Variants in CTNNA2 observed in about 807,000 individuals in gnomAD.
The protein encoded by CTNNA2 is catenin alpha 2.
CTNNA2 carries 42 observed loss-of-function variants against 101.0 expected under a neutral mutation model. The ratio of observed to expected loss-of-function variants is 0.42; its 90% CI spans 0.32 to 0.54. The LOEUF (loss-of-function observed/expected upper bound fraction) is 0.54, where lower values mean the gene tolerates loss of function less well. Ranked by LOEUF, CTNNA2 falls within the 20% of genes least tolerant of loss-of-function variation. The pLI is 0.14. For missense variants in CTNNA2, 871 were observed against 1,223.1 expected (o/e 0.71, Z 4.29); for synonymous variants, 450 against 456.4 (o/e 0.99, Z 0.18).
intron 18 of CTNNA2, among the ~76,000 whole-genome samples, chr2:80,645,989 G>A (rs78639667): frequency 0.017 from 2,552 of 152,124 alleles, 26 homozygotes; most frequent in Non-Finnish European, 0.023. Flanking sequence ...AAAACACAGC[G>A]CAACATTAAT....
chr2:79,580,001 T>C (rs974702775), intron 1 of CTNNA2, among the ~76,000 whole-genome samples: 12 of 152,154 alleles, frequency 7.9e-5, no homozygotes, highest in African/African-American at 2.7e-4. Flanking sequence ...TGGCAAATGC[T>C]CTTCTCTTGG....
At chr2:79,369,475 C>A (rs1011759376) in intron 3 of CTNNA2, among the ~76,000 whole-genome samples, 1 of 152,230 alleles carries the variant, frequency 6.6e-6, no homozygotes, top group East Asian at 1.9e-4. Flanking sequence ...CACATGCACA[C>A]GACTGTAGCG....
chr2:80,428,018 G>C (rs1378482742), intron 9 of CTNNA2, among the ~76,000 whole-genome samples: 1 of 152,202 alleles, frequency 6.6e-6, no homozygotes, highest in East Asian at 1.9e-4. Flanking sequence ...TGAAGGAGGA[G>C]GGCATGTGAG....
intron 7 of CTNNA2, among the ~76,000 whole-genome samples, chr2:80,005,455 G>A (rs1693268509): frequency 6.6e-6 from 1 of 152,010 alleles, no homozygotes; most frequent in Non-Finnish European, 1.5e-5. Flanking sequence ...CAACTTAAGG[G>A]GAAAAAAACT....
At chr2:79,357,169 GA>G (rs1677526444) in intron 3 of CTNNA2, among the ~76,000 whole-genome samples, 1 of 151,944 alleles carries the variant, frequency 6.6e-6, no homozygotes, top group South Asian at 2.1e-4. Context: ...TGTATACAAA[GA>G]AAAAAATTAG....
At chr2:79,334,597 G>GAAA (rs1003571924) in intron 3 of CTNNA2, among the ~76,000 whole-genome samples, 2 of 151,636 alleles carry the variant, frequency 1.3e-5, no homozygotes, top group Non-Finnish European at 2.9e-5. Flanking sequence ...AAGTAATGAA[G>GAAA]GAAGAAAGAG....
intron 4 of CTNNA2, among the ~76,000 whole-genome samples, chr2:79,491,419 AG>A (rs1671206670): frequency 6.6e-6 from 1 of 152,200 alleles, no homozygotes; most frequent in Non-Finnish European, 1.5e-5. Context: ...TCAAACACCA[AG>A]GAGATTTAGA....
intron 7 of CTNNA2, among the ~76,000 whole-genome samples, chr2:80,290,196 C>T (rs565060559): frequency 1.3e-5 from 2 of 152,270 alleles, no homozygotes; most frequent in South Asian, 4.1e-4. Context: ...CAGCAAATGG[C>T]AGAAGCTCTG....
chr2:79,946,396 C>T (rs999979031), intron 7 of CTNNA2, among the ~76,000 whole-genome samples: 1 of 152,172 alleles, frequency 6.6e-6, no homozygotes, highest in Admixed American at 6.5e-5. Flanking sequence ...GTTAATTACA[C>T]TGAGAACTGA....
At chr2:80,603,770 C>T (rs560960983) in intron 15 of CTNNA2, 30 of 298,922 alleles carry the variant, frequency 1.0e-4, no homozygotes, top group African/African-American at 4.2e-4. Context: ...TTTTGGTACA[C>T]GGTAAGCAAC....
chr2:79,388,272 G>A (rs1342750635), intron 4 of CTNNA2, among the ~76,000 whole-genome samples: 1 of 152,144 alleles, frequency 6.6e-6, no homozygotes, highest in African/African-American at 2.4e-5. Context: ...TGATGGAGTA[G>A]GTCACTGTTC....
At chr2:79,199,057 A>G (rs1201741578) in intron 2 of CTNNA2, among the ~76,000 whole-genome samples, 4 of 152,246 alleles carry the variant, frequency 2.6e-5, no homozygotes, top group Non-Finnish European at 4.4e-5. Context: ...ATGCCTGTCT[A>G]TAGATGAGAA....
At chr2:79,751,506 G>C (rs2105030915) in intron 3 of CTNNA2, among the ~76,000 whole-genome samples, 1 of 142,444 alleles carries the variant, frequency 7.0e-6, no homozygotes, top group Non-Finnish European at 1.5e-5. Context: ...TGAGGCAGTA[G>C]AATCACTTGA....
chr2:80,487,667 G>C (rs1364087041), intron 9 of CTNNA2, among the ~76,000 whole-genome samples: 1 of 152,120 alleles, frequency 6.6e-6, no homozygotes, highest in East Asian at 1.9e-4. Flanking sequence ...ACAGTTCAAG[G>C]TGAGATTTCA....
At chr2:79,898,988 T>C (rs1558623876) in intron 6 of CTNNA2, among the ~76,000 whole-genome samples, 1 of 152,058 alleles carries the variant, frequency 6.6e-6, no homozygotes, top group East Asian at 1.9e-4. Context: ...ACTGGGCAAG[T>C]GAAGGGAAGG....
intron 7 of CTNNA2, among the ~76,000 whole-genome samples, chr2:80,273,153 A>T (rs1235441149): frequency 6.6e-6 from 1 of 152,132 alleles, no homozygotes; most frequent in East Asian, 1.9e-4. Flanking sequence ...ATTTTATTTT[A>T]TTATTTTTAA....
chr2:79,192,431 A>G (rs1673886768), intron 1 of CTNNA2, among the ~76,000 whole-genome samples: 1 of 152,200 alleles, frequency 6.6e-6, no homozygotes. Flanking sequence ...CAGTTAAACT[A>G]CATCAGGCCA....
chr2:79,367,326 T>G (rs1373787181), intron 3 of CTNNA2, among the ~76,000 whole-genome samples: 1 of 152,170 alleles, frequency 6.6e-6, no homozygotes, highest in Non-Finnish European at 1.5e-5. Context: ...AATATTTTGT[T>G]ATAGTAGTCC....
chr2:80,305,222 G>A, intron 7 of CTNNA2: 1 of 985,330 alleles, frequency 1.0e-6, no homozygotes, highest in Non-Finnish European at 1.2e-6. Flanking sequence ...TCTGCAGTCA[G>A]CCAGCCCTTT....
Sources: gnomAD v4.1 joint callset for allele counts (sites outside exome capture counted in the v4.1 genomes callset) on GRCh38, gnomAD v4.1.1 for gene constraint, MANE v1.5 for transcripts, NCBI Gene and HGNC (gene_info 2026-07-23, HGNC 2026-07-21) for gene names.